Variants in CRTAC1 observed in about 807,000 individuals in gnomAD.
CRTAC1 encodes the protein acidic secreted protein in cartilage.
CRTAC1 carries 37 observed loss-of-function variants against 67.8 expected under a neutral mutation model. The ratio of observed to expected loss-of-function variants is 0.55; its 90% CI spans 0.42 to 0.72. The LOEUF (loss-of-function observed/expected upper bound fraction) is 0.72. Among genes scored for constraint, CRTAC1 ranks in the 30% least tolerant of loss-of-function variants. CRTAC1 has a pLI of 0.00. For synonymous variants in CRTAC1, 348 were observed against 371.0 expected, an observed-to-expected ratio of 0.94 and a Z score of 0.71; for missense variants, 780 against 931.6, an observed-to-expected ratio of 0.84 and a Z score of 2.12.
intron 2 of CRTAC1, among the ~76,000 whole-genome samples, chr10:97,980,762 C>T (rs1332894656): frequency 1.3e-5 from 2 of 152,222 alleles, no homozygotes; most frequent in African/African-American, 4.8e-5. Flanking sequence ...AATGACCCCA[C>T]GGAGGTGTCT....
chr10:97,972,504 G>A (rs1043586372), intron 2 of CRTAC1, among the ~76,000 whole-genome samples: 4 of 152,172 alleles, frequency 2.6e-5, no homozygotes, highest in Non-Finnish European at 4.4e-5. Flanking sequence ...CCTCTGATAC[G>A]AGAAAGTTAA....
intron 14 of CRTAC1, chr10:97,879,835 G>A (rs764777741): frequency 1.4e-6 from 2 of 1,473,152 alleles, no homozygotes; most frequent in South Asian, 1.2e-5. Flanking sequence ...GACAGAAAAT[G>A]GGAAAAAGAG....
chr10:97,873,631 G>A (rs2050115713), intron 14 of CRTAC1, among the ~76,000 whole-genome samples: 1 of 152,214 alleles, frequency 6.6e-6, no homozygotes, highest in African/African-American at 2.4e-5. Flanking sequence ...GATTTGTGGG[G>A]AGGGTGCATT....
intron 5 of CRTAC1, among the ~76,000 whole-genome samples, chr10:97,909,158 C>A (rs932429448): frequency 2.0e-5 from 3 of 152,144 alleles, no homozygotes; most frequent in African/African-American, 4.8e-5. Context: ...CAAATCTGAG[C>A]TATCCACGTC....
chr10:97,987,905 T>A (rs565647362), intron 2 of CRTAC1, among the ~76,000 whole-genome samples: 1 of 152,278 alleles, frequency 6.6e-6, no homozygotes, highest in South Asian at 2.1e-4. Flanking sequence ...AACCACACAA[T>A]GTCCCTGAAA....
chr10:97,911,418 C>G (rs945811471), intron 5 of CRTAC1, among the ~76,000 whole-genome samples: 2 of 152,238 alleles, frequency 1.3e-5, no homozygotes, highest in Non-Finnish European at 2.9e-5. Flanking sequence ...GGTAACCACA[C>G]TACTAATTAG....
In CRTAC1 at chr10:97,996,585, C is replaced by T. The variant is rs1350515840; in HGVS notation, c.224+14553G>A. Among the ~76,000 whole-genome samples, 7 of 152,182 alleles carry T rather than the reference C, an allele frequency of 4.6e-5. No individual in the cohort carries two copies. The South Asian group carries it at 8.3e-4, about 18-fold the overall frequency. ...CAATCATTAAAAAGTCAGGAAACAA[C>T]GGGTGCTGGAGAAGATGTGGAGAAA... On this transcript the variant is annotated intron_variant, in intron 2 of 14. Coordinates refer to ENST00000370597, the MANE Select transcript of CRTAC1 (RefSeq NM_018058.7).
In CRTAC1 at chr10:98,007,479, C is replaced by T. The variant is rs1418374452; in HGVS notation, c.224+3659G>A. On this transcript the variant is annotated intron_variant, in intron 2 of 14. Transcript: ENST00000370597. ...TCTGATGCGCTGAGAATTCGCAATG[C>T]TTCACAACAGCCACAAAGAAAGCCT... 2.6e-5 allele frequency among the ~76,000 whole-genome samples: 4 copies of T among 152,274 alleles called. No individual in the cohort carries two copies. In the South Asian group the frequency reaches 8.3e-4, roughly 32 times the overall value.
chr10:97,935,582 C>A (rs887545691), intron 3 of CRTAC1, among the ~76,000 whole-genome samples: 1 of 152,168 alleles, frequency 6.6e-6, no homozygotes, highest in African/African-American at 2.4e-5. Context: ...GAAGCTCCTG[C>A]AAGAAAAGGC....
chr10:98,024,805 A>G (rs1843194435), intron 1 of CRTAC1, among the ~76,000 whole-genome samples: 1 of 126,968 alleles, frequency 7.9e-6, no homozygotes, highest in South Asian at 2.6e-4. Context: ...CCACACACAC[A>G]CACACACACA....
At chr10:97,956,619 CA>C (rs2051446207) in intron 2 of CRTAC1, among the ~76,000 whole-genome samples, 1 of 145,748 alleles carries the variant, frequency 6.9e-6, no homozygotes, top group Admixed American at 6.8e-5. Flanking sequence ...AAAATATAAA[CA>C]AATGAAAAAA....
intron 1 of CRTAC1, among the ~76,000 whole-genome samples, chr10:98,027,267 A>G (rs1410829579): frequency 6.6e-6 from 1 of 152,178 alleles, no homozygotes; most frequent in Non-Finnish European, 1.5e-5. Context: ...CTCTCGGAAC[A>G]GAAGAAAGGG....
intron 3 of CRTAC1, among the ~76,000 whole-genome samples, chr10:97,930,057 C>T (rs2136605795): frequency 6.6e-6 from 1 of 152,364 alleles, no homozygotes; most frequent in South Asian, 2.1e-4. Context: ...CCGCCAGGCA[C>T]TTTGCCCACA....
At chr10:97,925,323 A>G (rs1182556882) in intron 3 of CRTAC1, among the ~76,000 whole-genome samples, 2 of 152,048 alleles carry the variant, frequency 1.3e-5, no homozygotes, top group Non-Finnish European at 2.9e-5. Context: ...GAAAAAGTGT[A>G]AGCATGAGAA....
At chr10:97,881,888 C>T (rs1001864931) in intron 13 of CRTAC1, among the ~76,000 whole-genome samples, 4 of 152,126 alleles carry the variant, frequency 2.6e-5, no homozygotes, top group African/African-American at 7.2e-5. Context: ...TTGGACCTCA[C>T]TTTCTCTAGG....
rs566405727 is a variant in CRTAC1 at position 97,892,549 on chromosome 10, G to C, written c.1486+2696C>G. On this transcript the variant is annotated intron_variant, in intron 11 of 14. Transcript: ENST00000370597. ...CAAATCCAGCTCTCCTTACTCTGTA[G>C]ATGTGTGGTTTGGGGCAAGTTACTT... 2.0e-5 allele frequency among the ~76,000 whole-genome samples: 3 copies of C among 152,326 alleles called. No individual in the cohort carries two copies. The East Asian group carries it at 5.8e-4, about 29-fold the overall frequency.
intron 2 of CRTAC1, among the ~76,000 whole-genome samples, chr10:98,008,165 C>A (rs1174525143): frequency 6.6e-6 from 1 of 152,172 alleles, no homozygotes; most frequent in Non-Finnish European, 1.5e-5. Flanking sequence ...CAGCACCAGC[C>A]CTGGGGCCAA....
At chr10:97,994,265 T>G (rs565770041) in intron 2 of CRTAC1, among the ~76,000 whole-genome samples, 1 of 152,242 alleles carries the variant, frequency 6.6e-6, no homozygotes, top group African/African-American at 2.4e-5. Context: ...TAGGTTAACA[T>G]GGATCACAGA....
At chr10:97,927,907 G>T (rs1191898022) in intron 3 of CRTAC1, among the ~76,000 whole-genome samples, 1 of 152,252 alleles carries the variant, frequency 6.6e-6, no homozygotes, top group African/African-American at 2.4e-5. Flanking sequence ...ATGTCAGCAT[G>T]CAGTCCTGCC....
Sources: allele counts gnomAD v4.1 joint callset (sites outside exome capture counted in the v4.1 genomes callset), GRCh38; gene constraint gnomAD v4.1.1; transcripts MANE v1.5; gene names NCBI Gene and HGNC (gene_info 2026-07-23, HGNC 2026-07-21).